NSUN6: variants seen among roughly 807,000 people sequenced by gnomAD.
NSUN6 encodes NOP2/Sun RNA methyltransferase 6.
In NSUN6, 64 loss-of-function variants were observed where a neutral mutation model predicts 58.0. That is an observed-to-expected ratio of 1.10 (90% CI 0.90 to 1.36). The LOEUF (loss-of-function observed/expected upper bound fraction) is 1.36. NSUN6 is among the 40% of genes most tolerant of loss of function. NSUN6 has a pLI of 0.00. For missense variants in NSUN6, 701 were observed against 550.1 expected, an observed-to-expected ratio of 1.27 and a Z score of -2.74; for synonymous variants, 231 against 193.9, an observed-to-expected ratio of 1.19 and a Z score of -1.59.
chr10:18,552,022 T>C (rs758371650), intron 8 of NSUN6, 51 bp from the exon 9 acceptor site: 2 of 1,104,472 alleles, frequency 1.8e-6, no homozygotes, highest in East Asian at 2.4e-5. Context: ...AGGTTTAAAC[T>C]AGAAAACTCC....
intron 7 of NSUN6, among the ~76,000 whole-genome samples, chr10:18,592,470 A>G (rs1181438065): frequency 6.6e-6 from 1 of 152,204 alleles, no homozygotes; most frequent in African/African-American, 2.4e-5. Context: ...ACTTCAAACT[A>G]TATTACAAGG....
chr10:18,552,864 T>C (rs1269537503), intron 8 of NSUN6, among the ~76,000 whole-genome samples: 4 of 151,704 alleles, frequency 2.6e-5, no homozygotes, highest in African/African-American at 9.7e-5. Flanking sequence ...GCATTCCACA[T>C]ACCATTCCAT....
rs576562118 is a variant in NSUN6, at chr10:18,554,253, G to C, written c.923-2282C>G. 6.6e-5 allele frequency among the ~76,000 whole-genome samples: 10 copies of C among 151,118 alleles called. No individual in the cohort carries two copies. In the South Asian group the frequency reaches 1.9e-3, roughly 29 times the overall value. On this transcript the variant is annotated intron_variant, in intron 8 of 10. Transcript: ENST00000377304. ...CTGGAGACTGGAAGGGAATGGAAAGGAGAATGGAATGGAATGTAGAAAGAA... is the reference window on the plus strand; with the variant it reads ...CTGGAGACTGGAAGGGAATGGAAAGCAGAATGGAATGGAATGTAGAAAGAA...
At chr10:18,588,203 C>T (rs1034392485) in intron 7 of NSUN6, among the ~76,000 whole-genome samples, 1 of 152,220 alleles carries the variant, frequency 6.6e-6, no homozygotes, top group Middle Eastern at 3.2e-3. Context: ...TGTGGCCAGA[C>T]TGCTTCTCTA....
rs139707941 is a variant in NSUN6 at position 18,621,962 on chromosome 10, T to C, written c.312-5669A>G. 4.1e-3 allele frequency among the ~76,000 whole-genome samples: 622 copies of C among 152,144 alleles called. 4 individuals are homozygous for C. Among genetic ancestry groups the C allele is most frequent in the African/African-American group, 0.011 (457 of 41,498 alleles). ...ACTGCCACCTTTATTTAATCAGTAG[T>C]CCTTGTGCAACAGCATTTCTTAAAT... On this transcript the variant is annotated intron_variant, in intron 3 of 10. Transcript: ENST00000377304.
Position 18,651,510 on chromosome 10 carries a change from G to C in NSUN6, c.-307C>G. The C allele has an allele frequency of 1.3e-5, 14 of 1,054,332 alleles. No homozygotes were observed. Among genetic ancestry groups the C allele is most frequent in the Non-Finnish European group, 1.6e-5 (14 of 875,508 alleles). 65.3% of individuals were successfully genotyped at this position (1,054,332 alleles called of 1,614,324 possible). On this transcript the variant is annotated 5_prime_UTR_variant, in exon 1 of 11. Transcript: ENST00000377304. ...AACCAAAAAAAGAAAAAAATGCTTA[G>C]TAACTGAATCCGTGGTGAAACGGAC...
At chr10:18,586,115 A>G (rs754498707) in intron 7 of NSUN6, 22 bp from the exon 8 acceptor site, 29 of 1,518,210 alleles carry the variant, frequency 1.9e-5, no homozygotes, top group Non-Finnish European at 2.3e-5. Flanking sequence ...CAAAACACAC[A>G]CATGCAGAAA....
chr10:18,623,811 G>T (rs748619479), intron 3 of NSUN6, among the ~76,000 whole-genome samples: 5 of 152,156 alleles, frequency 3.3e-5, no homozygotes, highest in African/African-American at 4.8e-5. Context: ...AAAAAGGTAT[G>T]AGCTAAAGCC....
At chr10:18,599,700 G>T (rs1260404019) in intron 6 of NSUN6, among the ~76,000 whole-genome samples, 2 of 152,186 alleles carry the variant, frequency 1.3e-5, no homozygotes, top group Non-Finnish European at 2.9e-5. Flanking sequence ...GCCATAGGTG[G>T]TAGGGCCAGG....
intron 10 of NSUN6, among the ~76,000 whole-genome samples, chr10:18,546,796 C>T (rs1014219687): frequency 3.3e-5 from 5 of 151,634 alleles, no homozygotes; most frequent in African/African-American, 9.7e-5. Flanking sequence ...GAGAATTGCC[C>T]GGGAGACAGA....
intron 8 of NSUN6, among the ~76,000 whole-genome samples, chr10:18,556,498 G>A (rs2055033850): frequency 6.6e-6 from 1 of 150,868 alleles, no homozygotes; most frequent in Non-Finnish European, 1.5e-5. Context: ...GAATGGAATA[G>A]AGAATGGAAT....
At chr10:18,628,899 G>A (rs1277538614) in intron 3 of NSUN6, among the ~76,000 whole-genome samples, 2 of 152,110 alleles carry the variant, frequency 1.3e-5, no homozygotes, top group African/African-American at 4.8e-5. Context: ...AGGAAATACA[G>A]AGAACGCCAC....
At chr10:18,560,193 G>A (rs1460386637) in intron 8 of NSUN6, among the ~76,000 whole-genome samples, 1 of 151,044 alleles carries the variant, frequency 6.6e-6, no homozygotes, top group Non-Finnish European at 1.5e-5. Flanking sequence ...AACTGGAATG[G>A]AAAATGGAAT....
At chr10:18,575,729 G>A (rs994612979) in intron 8 of NSUN6, among the ~76,000 whole-genome samples, 6 of 152,066 alleles carry the variant, frequency 3.9e-5, no homozygotes, top group South Asian at 2.1e-4. Flanking sequence ...AATGCACCAC[G>A]GAAAGATACT....
At chr10:18,626,370 T>A (rs1256653226) in intron 3 of NSUN6, among the ~76,000 whole-genome samples, 1 of 151,788 alleles carries the variant, frequency 6.6e-6, no homozygotes, top group Admixed American at 6.6e-5. Flanking sequence ...CGAGACCCCA[T>A]CTCAAAACAA....
rs551998427 is a variant in NSUN6, at chr10:18,634,227, T to A, written c.311+8249A>T. 3.8e-3 allele frequency among the ~76,000 whole-genome samples: 572 copies of A among 152,066 alleles called. 4 individuals carry two copies. Among genetic ancestry groups the A allele is most frequent in the Non-Finnish European group, 6.7e-3 (454 of 67,988 alleles). ...CAGAGAAATTAAAGGAAAAACCTCA[T>A]AAAAGGGATAAAAGAACAAGGCAAA... On this transcript the variant is annotated intron_variant, in intron 3 of 10. Transcript: ENST00000377304.
At chr10:18,553,112 T>C (rs935651132) in intron 8 of NSUN6, among the ~76,000 whole-genome samples, 1 of 151,428 alleles carries the variant, frequency 6.6e-6, no homozygotes, top group African/African-American at 2.4e-5. Context: ...CTCCATTCCA[T>C]TCCGTTCGAT....
At chr10:18,557,969 T>C (rs1486571385) in intron 8 of NSUN6, among the ~76,000 whole-genome samples, 1 of 148,598 alleles carries the variant, frequency 6.7e-6, no homozygotes, top group African/African-American at 2.5e-5. Flanking sequence ...TTGAATGGAA[T>C]GGAATGAAGA....
At chr10:18,632,649 G>A (rs1164728514) in intron 3 of NSUN6, among the ~76,000 whole-genome samples, 4 of 152,270 alleles carry the variant, frequency 2.6e-5, no homozygotes, top group African/African-American at 9.6e-5. Flanking sequence ...AAAGACACAC[G>A]AAAAAATGCT....
Sources: gnomAD v4.1 joint callset for allele counts (sites outside exome capture counted in the v4.1 genomes callset) on GRCh38, gnomAD v4.1.1 for gene constraint, MANE v1.5 for transcripts, NCBI Gene and HGNC (gene_info 2026-07-23, HGNC 2026-07-21) for gene names.